TSPAN5: variants seen among roughly 807,000 people sequenced by gnomAD.
TSPAN5 encodes tetraspanin-5.
A neutral mutation model predicts 37.1 loss-of-function variants in TSPAN5; 10 were observed. The observed-to-expected ratio is 0.27, with a 90% CI of 0.17 to 0.46. The LOEUF is 0.46. Among genes scored for constraint, TSPAN5 ranks in the 20% least tolerant of loss-of-function variants. The pLI is 1.00. For missense variants in TSPAN5, 195 were observed against 326.6 expected (o/e 0.60, Z 3.11); for synonymous variants, 110 against 118.9 (o/e 0.93, Z 0.48).
rs370030108 is a variant in TSPAN5 at position 98,543,476 on chromosome 4, C to T, written c.82-35748G>A. On this transcript the variant is annotated intron_variant, in intron 1 of 7. Transcript: ENST00000305798. ...TGTCGCCCAGACTAGAGTGCAGTGG[C>T]GTGATCTCGGCTCACCACAACCTCC... 1.4e-4 allele frequency among the ~76,000 whole-genome samples: 21 copies of T among 150,334 alleles called. No homozygotes were observed. The South Asian group carries it at 3.4e-3, about 24-fold the overall frequency.
At chr4:98,605,220 T>G (rs1579023921) in intron 1 of TSPAN5, among the ~76,000 whole-genome samples, 1 of 152,178 alleles carries the variant, frequency 6.6e-6, no homozygotes, top group African/African-American at 2.4e-5. Flanking sequence ...CCGCAAGGTT[T>G]GAAAGAGTCA....
chr4:98,553,107 T>C (rs911508661), intron 1 of TSPAN5, among the ~76,000 whole-genome samples: 1 of 152,254 alleles, frequency 6.6e-6, no homozygotes, highest in Non-Finnish European at 1.5e-5. Flanking sequence ...ATTTTATATG[T>C]ATTTAAATTA....
intron 1 of TSPAN5, chr4:98,657,497 A>C (rs1757316289): frequency 6.5e-6 from 1 of 153,014 alleles, no homozygotes; most frequent in Admixed American, 6.5e-5. Context: ...CATACAAATA[A>C]ATCCCTCTAC....
At chr4:98,536,076 TGAG>T (rs921104456) in intron 1 of TSPAN5, among the ~76,000 whole-genome samples, 2 of 152,194 alleles carry the variant, frequency 1.3e-5, no homozygotes, top group African/African-American at 4.8e-5. Flanking sequence ...CCCTTGCTGG[TGAG>T]GAGTTGTAAT....
At chr4:98,644,068 C>A (rs1440675815) in intron 1 of TSPAN5, among the ~76,000 whole-genome samples, 1 of 152,082 alleles carries the variant, frequency 6.6e-6, no homozygotes, top group African/African-American at 2.4e-5. Flanking sequence ...CAACTCCTCC[C>A]TTTTTAAAAA....
intron 1 of TSPAN5, among the ~76,000 whole-genome samples, chr4:98,633,109 G>A (rs1376788276): frequency 1.3e-5 from 2 of 152,126 alleles, no homozygotes; most frequent in Non-Finnish European, 2.9e-5. Context: ...ACCCAAAGGT[G>A]ATAGGTGAGA....
chr4:98,645,648 G>T (rs1038032427), intron 1 of TSPAN5, among the ~76,000 whole-genome samples: 2 of 152,194 alleles, frequency 1.3e-5, no homozygotes, highest in African/African-American at 4.8e-5. Context: ...CGCTGCTTTA[G>T]ATCAGCTGGC....
At chr4:98,520,848 T>G (rs1753837199) in intron 1 of TSPAN5, among the ~76,000 whole-genome samples, 1 of 151,506 alleles carries the variant, frequency 6.6e-6, no homozygotes, top group South Asian at 2.1e-4. Flanking sequence ...CAGCACAGAT[T>G]AGCCATTCAT....
intron 1 of TSPAN5, among the ~76,000 whole-genome samples, chr4:98,655,812 C>T (rs1188714707): frequency 1.3e-5 from 2 of 152,106 alleles, no homozygotes; most frequent in African/African-American, 4.8e-5. Context: ...CATATGGTTG[C>T]CTTTCTGTTG....
chr4:98,491,689 A>G (rs1205993208), intron 2 of TSPAN5, among the ~76,000 whole-genome samples: 1 of 151,176 alleles, frequency 6.6e-6, no homozygotes, highest in Non-Finnish European at 1.5e-5. Flanking sequence ...TCTGTCTAAA[A>G]AAAAAAAAAA....
At chr4:98,602,895 T>A (rs748874330) in intron 1 of TSPAN5, among the ~76,000 whole-genome samples, 7 of 152,110 alleles carry the variant, frequency 4.6e-5, no homozygotes, top group Non-Finnish European at 7.4e-5. Context: ...TAAAGTGAAG[T>A]GAAATAATAC....
chr4:98,571,282 A>G (rs574812032), intron 1 of TSPAN5, among the ~76,000 whole-genome samples: 5 of 151,990 alleles, frequency 3.3e-5, no homozygotes, highest in Admixed American at 2.6e-4. Flanking sequence ...GTCCGTGGCC[A>G]CTCATGGAGG....
intron 1 of TSPAN5, among the ~76,000 whole-genome samples, chr4:98,547,967 A>C (rs1316887158): frequency 6.7e-6 from 1 of 149,492 alleles, no homozygotes; most frequent in Non-Finnish European, 1.5e-5. Flanking sequence ...AGCCGAGATC[A>C]TGCCACTACA....
At chr4:98,544,579 G>A (rs1376882393) in intron 1 of TSPAN5, among the ~76,000 whole-genome samples, 1 of 152,228 alleles carries the variant, frequency 6.6e-6, no homozygotes, top group Non-Finnish European at 1.5e-5. Flanking sequence ...AGGATAGACT[G>A]CTGAGGAGGT....
chr4:98,588,405 A>C (rs1223375198), intron 1 of TSPAN5, among the ~76,000 whole-genome samples: 1 of 152,148 alleles, frequency 6.6e-6, no homozygotes, highest in East Asian at 1.9e-4. Flanking sequence ...AAAAAAAAAA[A>C]GTTAACAACA....
At chr4:98,630,091 G>A (rs996670756) in intron 1 of TSPAN5, among the ~76,000 whole-genome samples, 3 of 152,096 alleles carry the variant, frequency 2.0e-5, no homozygotes, top group Non-Finnish European at 2.9e-5. Flanking sequence ...CTGAATTCAC[G>A]CTCGAGTTGG....
intron 3 of TSPAN5, chr4:98,484,032 GA>G: frequency 5.2e-6 from 1 of 191,380 alleles, no homozygotes; most frequent in Admixed American, 5.4e-5. Context: ...CCAAGTCAGG[GA>G]AAGATTTTAA....
At chr4:98,564,463 C>T (rs10001528) in intron 1 of TSPAN5, among the ~76,000 whole-genome samples, 3 of 152,104 alleles carry the variant, frequency 2.0e-5, no homozygotes, top group Non-Finnish European at 4.4e-5. Context: ...ATGAAAGAAG[C>T]AAACAGAATG....
chr4:98,577,413 T>G (rs1023740420), intron 1 of TSPAN5, among the ~76,000 whole-genome samples: 10 of 152,100 alleles, frequency 6.6e-5, no homozygotes, highest in Admixed American at 2.0e-4. Flanking sequence ...CCCCTCATCA[T>G]TTGCCTTCTC....
Sources: gnomAD v4.1 joint callset for allele counts (sites outside exome capture counted in the v4.1 genomes callset) on GRCh38, gnomAD v4.1.1 for gene constraint, MANE v1.5 for transcripts, NCBI Gene and HGNC (gene_info 2026-07-23, HGNC 2026-07-21) for gene names.